MTRR: variants seen among roughly 807,000 people sequenced by gnomAD.
MTRR encodes the protein methionine synthase reductase.
A neutral mutation model predicts 79.2 loss-of-function variants in MTRR; 63 were observed. The observed-to-expected ratio is 0.80, with a 90% CI of 0.65 to 0.98. The LOEUF (loss-of-function observed/expected upper bound fraction) is 0.98, where lower values mean the gene tolerates loss of function less well. Among genes scored for constraint, MTRR ranks in the 50% least tolerant of loss-of-function variants. The pLI is 0.00. For synonymous variants in MTRR, 355 were observed against 313.3 expected, an observed-to-expected ratio of 1.13 and a Z score of -1.41; for missense variants, 895 against 839.6, an observed-to-expected ratio of 1.07 and a Z score of -0.82.
At chr5:7,867,702 T>G, upstream of MTRR, 2 of 1,614,216 alleles carry the variant, frequency 1.2e-6, no homozygotes, top group Non-Finnish European at 1.7e-6. Context: ...GCTGCCATAG[T>G]GTCAGGCAGG....
intron 1 of MTRR, among the ~76,000 whole-genome samples, chr5:7,854,144 T>C (rs904991276): frequency 6.6e-6 from 1 of 152,118 alleles, no homozygotes; most frequent in Non-Finnish European, 1.5e-5. Flanking sequence ...CACAGAGTCA[T>C]ACATTTAGGC....
At chr5:7,858,782 A>G in intron 1 of MTRR, among the ~76,000 whole-genome samples, 1 of 151,816 alleles carries the variant, frequency 6.6e-6, no homozygotes, top group East Asian at 2.0e-4. Context: ...CTGTAACCTG[A>G]CTGTGATGAG....
intron 14 of MTRR, among the ~76,000 whole-genome samples, 179 bp downstream of exon 14, chr5:7,897,426 T>G (rs563761185): frequency 1.8e-4 from 28 of 152,318 alleles, no homozygotes; most frequent in Admixed American, 3.3e-4. Context: ...GCCCAGAGGT[T>G]GTTATTATCA....
In MTRR at chr5:7,900,301, T is replaced by C. The variant is rs973998625; in HGVS notation, c.*243T>C. On this transcript the variant is annotated 3_prime_UTR_variant, in exon 15 of 15. Transcript: ENST00000440940. The stretch of plus-strand genomic sequence containing the variant: ...CCCAAATTGCCCTGTTGCCTTGAGC[T>C]CTTCTGAGCTAAGGCAGCCTTCAGT... 2.0e-6 allele frequency: 1 copy of C among 495,152 alleles called. No individual in the cohort carries two copies. Among genetic ancestry groups the C allele is most frequent in the Non-Finnish European group, 3.6e-6 (1 of 276,512 alleles). The allele number at this position is 495,152 out of a possible 1,614,324, so 30.7% of individuals were successfully genotyped here.
At chr5:7,857,463 A>T (rs1211691405) in intron 1 of MTRR, among the ~76,000 whole-genome samples, 1 of 152,242 alleles carries the variant, frequency 6.6e-6, no homozygotes, top group East Asian at 1.9e-4. Context: ...ACAGGGCCAG[A>T]GGCAGGTCTA....
rs568992428 is a variant in MTRR at position 7,863,250 on chromosome 5, A to G, written n.498+1193A>G. ...CACTGGTTACCATAAACAGAAAGAA[A>G]AGTAAAGAAGGAAGGTAAAAAGGAG... On this transcript the variant is annotated intron_variant and non_coding_transcript_variant, in intron 2 of 3. Coordinates refer to the MTRR transcript ENST00000502509. 2.8e-5 allele frequency: 12 copies of G among 431,812 alleles called. No individual in the cohort carries two copies. In the South Asian group the frequency reaches 2.9e-4, roughly 10 times the overall value. The allele number at this position is 431,812 out of a possible 1,614,324, so 26.7% of individuals were successfully genotyped here. A position where few individuals can be genotyped will look rare whatever the true frequency, so the allele number is the denominator to read the frequency against.
chr5:7,863,203 TTA>T (rs1389546562), intron 2 of MTRR: 1 of 544,878 alleles, frequency 1.8e-6, no homozygotes, highest in Non-Finnish European at 3.2e-6. Flanking sequence ...AAAATGTCTT[TTA>T]TATGTGTTTT....
chr5:7,883,107 G>T lies in MTRR; in HGVS notation c.781-48G>T, dbSNP rs1735840089. ...TTGCGTAGTCACTAATTGAAAGAAGGGTATAATTGAAAATTGCACTTACGT... is the reference window on the plus strand; with the variant it reads ...TTGCGTAGTCACTAATTGAAAGAAGTGTATAATTGAAAATTGCACTTACGT... On this transcript the variant is annotated intron_variant, in intron 5 of 14. Coordinates refer to ENST00000440940, the MANE Select transcript of MTRR (RefSeq NM_002454.3). 3 of 1,613,376 alleles carry T rather than the reference G, an allele frequency of 1.9e-6. No homozygotes were observed. In the South Asian group the frequency reaches 3.3e-5, roughly 18 times the overall value.
At chr5:7,889,537 T>C (rs1300634424) in intron 9 of MTRR, among the ~76,000 whole-genome samples, 2 of 152,146 alleles carry the variant, frequency 1.3e-5, no homozygotes, top group South Asian at 2.1e-4. Flanking sequence ...CTTCCAGCAG[T>C]GTCACTATCA....
intron 10 of MTRR, 46 bp downstream of exon 10, chr5:7,891,460 T>C (rs374603856): frequency 2.7e-6 from 4 of 1,502,948 alleles, no homozygotes; most frequent in East Asian, 2.3e-5. Context: ...TTCTCCAAAA[T>C]CTTAGACTCA....
upstream of MTRR, chr5:7,869,040 G>A (rs142579733): frequency 7.1e-3 from 10,415 of 1,467,692 alleles, 50 homozygotes; most frequent in Non-Finnish European, 8.5e-3. Context: ...GTGGGCCTCC[G>A]TAGCAAACGC....
intron 8 of MTRR, among the ~76,000 whole-genome samples, chr5:7,888,528 A>G (rs1198263133): frequency 6.6e-6 from 1 of 152,164 alleles, no homozygotes; most frequent in Admixed American, 6.5e-5. Flanking sequence ...ACTTGGAGGA[A>G]CACGTGTAAT....
At chr5:7,868,358 T>A (rs1747213630), upstream of MTRR, among the ~76,000 whole-genome samples, 1 of 152,190 alleles carries the variant, frequency 6.6e-6, no homozygotes, top group South Asian at 2.1e-4. Flanking sequence ...TTACACAGAT[T>A]CAGTACTTTT....
At chr5:7,893,895 A>G (rs1738060761) in intron 11 of MTRR, among the ~76,000 whole-genome samples, 1 of 152,228 alleles carries the variant, frequency 6.6e-6, no homozygotes, top group Non-Finnish European at 1.5e-5. Flanking sequence ...TTCTCTATAC[A>G]TCATGTATTC....
intron 8 of MTRR, among the ~76,000 whole-genome samples, chr5:7,887,171 A>C (rs13189728): frequency 0.15 from 23,397 of 152,168 alleles, 2,066 homozygotes; most frequent in Non-Finnish European, 0.2. Context: ...GTGTAATACT[A>C]CATAACTATT....
In MTRR at chr5:7,895,759, A is replaced by C. The variant is rs543608145; in HGVS notation, c.1583A>C (p.Asn528Thr). 2 of 1,614,072 alleles carry C rather than the reference A, an allele frequency of 1.2e-6. No individual in the cohort carries two copies. The highest frequency in any genetic ancestry group is 3.3e-5 in the Admixed American group (2 of 60,022). The part of the protein sequence containing the change: ...PKISISPRTT[N>T]SFHLPDDPSI... ...ATATCCATCTCTCCTCGAACAACAA[A>C]TTCTTTCCACTTACCAGATGACCCC... is the stretch of plus-strand genomic sequence containing the variant. The change falls in exon 12 of 15, where the codon AAT (asparagine) becomes ACT (threonine). Residue 528 changes from asparagine to threonine, a missense_variant. Physicochemically the swap from Asn to Thr is moderately conservative, Grantham distance 65. Coordinates refer to ENST00000440940, the MANE Select transcript of MTRR (RefSeq NM_002454.3).
chr5:7,885,786 G>C lies in MTRR; in HGVS notation c.989G>C (p.Arg330Thr). Reference protein sequence around the residue: ...SDSEVQSLLQRLQLEDKREHC... With the variant: ...SDSEVQSLLQTLQLEDKREHC... ...TCTGAGGTACAAAGCCTACTCCAAA[G>C]ACTGCAGCTTGAAGATAAAAGAGAG... The change falls in exon 7 of 15, where the codon AGA becomes ACA. Residue 330 changes from arginine to threonine, a missense_variant. By Grantham distance (71) the Arg-to-Thr change is moderately conservative (BLOSUM62 -1). Transcript: ENST00000440940. The C allele has an allele frequency of 6.2e-7, 1 of 1,613,810 alleles. No individual in the cohort carries two copies. The highest frequency in any genetic ancestry group is 8.5e-7 in the Non-Finnish European group (1 of 1,179,998).
chr5:7,890,689 C>T (rs1291831265), intron 9 of MTRR, among the ~76,000 whole-genome samples: 1 of 152,034 alleles, frequency 6.6e-6, no homozygotes, highest in Admixed American at 6.6e-5. Context: ...ATACATAGAC[C>T]TTTTCATATT....
upstream of MTRR, chr5:7,866,768 T>C (rs1332458619): frequency 6.2e-7 from 1 of 1,614,154 alleles, no homozygotes; most frequent in South Asian, 1.1e-5. Context: ...ATAATTGAAA[T>C]GAGTGAATAG....
Sources: gnomAD v4.1 joint callset for allele counts (sites outside exome capture counted in the v4.1 genomes callset) on GRCh38, gnomAD v4.1.1 for gene constraint, MANE v1.5 for transcripts, NCBI Gene and HGNC (gene_info 2026-07-23, HGNC 2026-07-21) for gene names.